Variants in PPFIA1 observed in about 807,000 individuals in gnomAD.
PPFIA1 encodes PPFI scaffold protein A1.
A neutral mutation model predicts 149.9 loss-of-function variants in PPFIA1; 25 were observed. That is an observed-to-expected ratio of 0.17 (90% CI 0.12 to 0.23). The LOEUF (loss-of-function observed/expected upper bound fraction) is 0.23, where lower values mean the gene tolerates loss of function less well. PPFIA1 is among the 10% of genes least tolerant of loss of function. The pLI, the probability that PPFIA1 is intolerant of heterozygous loss-of-function variation, is 1.00. For synonymous variants in PPFIA1, 549 were observed against 552.8 expected (o/e 0.99, Z 0.10); for missense variants, 1,362 against 1,506.5 (o/e 0.90, Z 1.59).
chr11:70,363,458 A>G (rs1481927749), intron 21 of PPFIA1: 1 of 152,214 alleles, frequency 6.6e-6, no homozygotes, highest in East Asian at 1.9e-4. Flanking sequence ...TTTTCTGTCT[A>G]GTTCAGAGGA....
At chr11:70,311,967 C>A (rs1001526320) in intron 2 of PPFIA1, among the ~76,000 whole-genome samples, 2 of 151,106 alleles carry the variant, frequency 1.3e-5, no homozygotes, top group African/African-American at 4.9e-5. Flanking sequence ...CCTAACCTCC[C>A]GAGCAGCAGG....
intron 16 of PPFIA1, among the ~76,000 whole-genome samples, chr11:70,353,585 C>T (rs1217463909): frequency 2.0e-5 from 3 of 152,282 alleles, no homozygotes; most frequent in South Asian, 2.1e-4. Context: ...GGCGTATTCA[C>T]GTTCCACTGC....
At chr11:70,311,419 G>A (rs545373605) in intron 2 of PPFIA1, among the ~76,000 whole-genome samples, 4 of 152,200 alleles carry the variant, frequency 2.6e-5, no homozygotes, top group South Asian at 2.1e-4. Flanking sequence ...TTCATGCGTC[G>A]GAATGCACAC....
Position 70,279,722 on chromosome 11 carries a change from GGTGTGT to G in PPFIA1, c.264+7321_264+7326del, listed in dbSNP as rs71046599. ...TAGACCTTTTCTGTGTATGTGTCTAGGTGTGTGTGTGTGTGTGTGTGTGTGTGTGTG... is the reference window on the plus strand; with the variant it reads ...TAGACCTTTTCTGTGTATGTGTCTAGGTGTGTGTGTGTGTGTGTGTGTGTG... On this transcript the variant is annotated intron_variant, in intron 2 of 27. Transcript: ENST00000253925. Among the ~76,000 whole-genome samples, 1,308 of 135,368 alleles carry G rather than the reference GGTGTGT, an allele frequency of 9.7e-3. 7 individuals are homozygous for G. Among genetic ancestry groups the G allele is most frequent in the Non-Finnish European group, 0.012 (743 of 63,082 alleles). 88.8% of individuals were successfully genotyped at this position (135,368 alleles called of 152,430 possible).
At chr11:70,325,477 A>G (rs1265215753) in intron 4 of PPFIA1, 23 bp from the exon 5 acceptor site, 4 of 1,514,588 alleles carry the variant, frequency 2.6e-6, no homozygotes, top group South Asian at 2.2e-5. Context: ...CACACACACA[A>G]ACTCAACCCC....
At position 70,376,516 on chromosome 11, in the gene PPFIA1, T is replaced by C; in HGVS notation, c.3316-16T>C. The C allele has an allele frequency of 3.7e-6, 6 of 1,607,132 alleles. No homozygotes were observed. Among genetic ancestry groups the C allele is most frequent in the Non-Finnish European group, 4.3e-6 (5 of 1,173,758 alleles). On this transcript the variant is annotated splice_polypyrimidine_tract_variant and intron_variant, in intron 24 of 27. Coordinates refer to ENST00000253925, the MANE Select transcript of PPFIA1 (RefSeq NM_003626.5). ...ATTTGATGAAAGTTTTATTTGTTTT[T>C]CTTTGGTTATTTCAGGCTCGTGCTG...
At chr11:70,308,787 A>C (rs1041624207) in intron 2 of PPFIA1, among the ~76,000 whole-genome samples, 2 of 152,044 alleles carry the variant, frequency 1.3e-5, no homozygotes, top group African/African-American at 4.8e-5. Context: ...CAAAACAAAA[A>C]AACCCAACTT....
intron 2 of PPFIA1, among the ~76,000 whole-genome samples, chr11:70,275,803 A>G (rs116551517): frequency 9.7e-4 from 147 of 152,212 alleles, no homozygotes; most frequent in African/African-American, 3.5e-3. Context: ...ATTCCCATAG[A>G]TATAGTCTGT....
chr11:70,283,310 T>C (rs2050890429), intron 2 of PPFIA1, among the ~76,000 whole-genome samples: 1 of 152,200 alleles, frequency 6.6e-6, no homozygotes, highest in South Asian at 2.1e-4. Flanking sequence ...TTAGAAGACC[T>C]CTTGCTTGAA....
chr11:70,351,658 G>A (rs894290392), intron 16 of PPFIA1, among the ~76,000 whole-genome samples: 10 of 152,080 alleles, frequency 6.6e-5, no homozygotes, highest in Admixed American at 6.5e-4. Context: ...TTTGGGTTTG[G>A]GATGCTCAAC....
At chr11:70,283,763 G>C (rs898828661) in intron 2 of PPFIA1, among the ~76,000 whole-genome samples, 1 of 151,456 alleles carries the variant, frequency 6.6e-6, no homozygotes, top group African/African-American at 2.4e-5. Flanking sequence ...TCAAGCTTGC[G>C]GGGAGAAGGG....
At chr11:70,357,288 T>G (rs1171061948) in intron 19 of PPFIA1, among the ~76,000 whole-genome samples, 1 of 152,200 alleles carries the variant, frequency 6.6e-6, no homozygotes, top group Non-Finnish European at 1.5e-5. Flanking sequence ...AGTGCTCATC[T>G]GGAAATTGGG....
At chr11:70,376,197 CAAGCTGGTCTCA>C (rs1424693978) in intron 24 of PPFIA1, among the ~76,000 whole-genome samples, 36 of 152,202 alleles carry the variant, frequency 2.4e-4, no homozygotes, top group African/African-American at 8.7e-4. Context: ...CCATGTTGGC[CAAGCTGGTCTCA>C]AACTCCTGAT....
At chr11:70,349,821 A>G (rs2055941831) in intron 16 of PPFIA1, 1 of 442,486 alleles carries the variant, frequency 2.3e-6, no homozygotes, top group East Asian at 7.2e-5. Flanking sequence ...GTGTATGTAT[A>G]TATATTTTTT....
chr11:70,332,152 G>A, intron 9 of PPFIA1, 58 bp downstream of exon 9: 4 of 1,499,624 alleles, frequency 2.7e-6, no homozygotes, highest in Non-Finnish European at 3.6e-6. Context: ...TGCCTTGCCT[G>A]TGTACCTTGT....
intron 15 of PPFIA1, among the ~76,000 whole-genome samples, chr11:70,345,504 A>G (rs1447908614): frequency 6.6e-6 from 1 of 152,128 alleles, no homozygotes; most frequent in Non-Finnish European, 1.5e-5. Flanking sequence ...AAGGAAAGAC[A>G]GGAGTCAGAG....
intron 11 of PPFIA1, 98 bp from the exon 12 acceptor site, chr11:70,337,267 C>A (rs931411011): frequency 7.2e-6 from 6 of 838,668 alleles, no homozygotes; most frequent in Non-Finnish European, 1.1e-5. Flanking sequence ...ACTCCGTTCC[C>A]TTTGTGTGGT....
chr11:70,281,971 T>C (rs536912745), intron 2 of PPFIA1, among the ~76,000 whole-genome samples: 19 of 152,120 alleles, frequency 1.2e-4, no homozygotes, highest in African/African-American at 4.6e-4. Context: ...AGACATTGGT[T>C]ATCATTACTT....
In PPFIA1 at chr11:70,279,137, A is replaced by G. The variant is rs547361206; in HGVS notation, c.264+6701A>G. On this transcript the variant is annotated intron_variant, in intron 2 of 27. Coordinates refer to ENST00000253925, the MANE Select transcript of PPFIA1 (RefSeq NM_003626.5). ...TGAGGTACTCCAGGATGGCTGTGCT[A>G]TTCACAGCGGCAGTCGCGCCCACAC... is the stretch of plus-strand genomic sequence containing the variant. 9.7e-5 allele frequency: 53 copies of G among 548,596 alleles called. 1 individual carries two copies. The East Asian group carries it at 1.8e-3, about 18-fold the overall frequency. 34.0% of individuals were successfully genotyped at this position (548,596 alleles called of 1,614,324 possible).
Sources: allele counts gnomAD v4.1 joint callset (sites outside exome capture counted in the v4.1 genomes callset), GRCh38; gene constraint gnomAD v4.1.1; transcripts MANE v1.5; gene names NCBI Gene and HGNC (gene_info 2026-07-23, HGNC 2026-07-21).